SAMD5: variants seen among roughly 807,000 people sequenced by gnomAD.
The protein encoded by SAMD5 is sterile alpha motif domain containing 5, also known as sterile alpha motif domain-containing protein 5.
SAMD5 carries 13 observed loss-of-function variants against 11.3 expected under a neutral mutation model. The ratio of observed to expected loss-of-function variants is 1.15; its 90% confidence interval spans 0.75 to 1.83. The LOEUF (loss-of-function observed/expected upper bound fraction) is 1.83, where lower values mean the gene tolerates loss of function less well. Among genes scored for constraint, SAMD5 ranks in the 40% most tolerant of loss-of-function variants. The probability of loss-of-function intolerance (pLI) is 0.00; values close to 1 mark genes in which losing one functional copy is unlikely to be tolerated. For synonymous variants in SAMD5, 129 were observed against 111.3 expected (o/e 1.16, Z -1.00); for missense variants, 255 against 239.1 (o/e 1.07, Z -0.44).
the SAMD5 span, among the ~76,000 whole-genome samples, chr6:147,816,281 CAAAAA>C: frequency 7.2e-5 from 2 of 27,844 alleles, no homozygotes; most frequent in African/African-American, 1.6e-4. Flanking sequence ...ACTCCGTCTC[CAAAAA>C]AAAAAAAAAA....
chr6:147,939,131 A>G, the SAMD5 span, among the ~76,000 whole-genome samples: 1 of 152,196 alleles, frequency 6.6e-6, no homozygotes, highest in East Asian at 1.9e-4. Flanking sequence ...TAAAGGATAC[A>G]ACTCAGAAGC....
intron 1 of SAMD5, among the ~76,000 whole-genome samples, chr6:147,698,059 G>A (rs528585524): frequency 1.1e-3 from 171 of 152,246 alleles, no homozygotes; most frequent in Middle Eastern, 3.4e-3. Context: ...TAGATCCCCC[G>A]CACACGCAGT....
At chr6:147,592,800 C>T (rs1789474874) in intron 1 of SAMD5, among the ~76,000 whole-genome samples, 1 of 152,038 alleles carries the variant, frequency 6.6e-6, no homozygotes, top group South Asian at 2.1e-4. Flanking sequence ...GCCTGGGATC[C>T]GACATGGAGT....
At chr6:147,721,088 C>T (rs1237985832) in intron 1 of SAMD5, among the ~76,000 whole-genome samples, 2 of 134,694 alleles carry the variant, frequency 1.5e-5, no homozygotes, top group East Asian at 2.1e-4. Flanking sequence ...TTTCTTAATC[C>T]AGTCTATCAT....
At chr6:147,583,128 A>T (rs1283202721) in intron 1 of SAMD5, among the ~76,000 whole-genome samples, 1 of 152,268 alleles carries the variant, frequency 6.6e-6, no homozygotes, top group East Asian at 1.9e-4. Flanking sequence ...CTAGTTTTAC[A>T]CATAGACATT....
rs184691003 is a variant in SAMD5, at chr6:147,708,594, T to C, written c.163-28723T>C. On this transcript the variant is annotated intron_variant, in intron 1 of 1. Coordinates refer to the SAMD5 transcript ENST00000566741. ...AGAGAAGGGAACAGAAGTGGAAATA[T>C]TTCTAGAAATATATTTGAATCCTTA... 1.1e-3 allele frequency among the ~76,000 whole-genome samples: 166 copies of C among 152,162 alleles called. 1 individual carries two copies. The highest frequency in any genetic ancestry group is 2.6e-3 in the Admixed American group (40 of 15,276).
intron 1 of SAMD5, among the ~76,000 whole-genome samples, chr6:147,663,959 C>T (rs1317066437): frequency 1.4e-5 from 2 of 145,364 alleles, no homozygotes; most frequent in African/African-American, 2.5e-5. Context: ...TGTAACAGAA[C>T]GTCACATTTT....
chr6:147,905,004 T>G, the SAMD5 span, among the ~76,000 whole-genome samples: 2 of 151,774 alleles, frequency 1.3e-5, no homozygotes, highest in South Asian at 4.2e-4. Flanking sequence ...TTCTCCTGCC[T>G]CAGCCTCGTG....
At chr6:147,765,934 A>G in the SAMD5 span, among the ~76,000 whole-genome samples, 1 of 152,200 alleles carries the variant, frequency 6.6e-6, no homozygotes, top group Non-Finnish European at 1.5e-5. Context: ...AAAGCCTCAG[A>G]TTGACACCTA....
the SAMD5 span, among the ~76,000 whole-genome samples, chr6:147,773,753 G>A: frequency 6.6e-6 from 1 of 152,104 alleles, no homozygotes; most frequent in Non-Finnish European, 1.5e-5. Flanking sequence ...GGGAATAGAT[G>A]TCAACATATG....
At chr6:147,605,295 G>A (rs1025467943) in intron 1 of SAMD5, among the ~76,000 whole-genome samples, 3 of 152,070 alleles carry the variant, frequency 2.0e-5, no homozygotes, top group African/African-American at 4.8e-5. Flanking sequence ...ACATATTTTT[G>A]TAGAGATGGG....
chr6:147,688,230 A>G (rs1397408467), intron 1 of SAMD5, among the ~76,000 whole-genome samples: 1 of 152,030 alleles, frequency 6.6e-6, no homozygotes, highest in Non-Finnish European at 1.5e-5. Flanking sequence ...AATTTTATAT[A>G]TGATATCTAA....
intron 1 of SAMD5, chr6:147,729,745 G>A (rs1437294572): frequency 4.4e-6 from 2 of 456,732 alleles, no homozygotes; most frequent in Admixed American, 4.7e-5. Flanking sequence ...GAACATTTTA[G>A]GCAGTGGCAA....
At chr6:147,812,818 A>G in the SAMD5 span, among the ~76,000 whole-genome samples, 1 of 152,220 alleles carries the variant, frequency 6.6e-6, no homozygotes, top group South Asian at 2.1e-4. Flanking sequence ...TAGTTATGAT[A>G]GTATATGTTG....
intron 1 of SAMD5, among the ~76,000 whole-genome samples, chr6:147,677,375 C>T (rs1315435510): frequency 3.3e-5 from 5 of 151,976 alleles, no homozygotes; most frequent in Non-Finnish European, 5.9e-5. Flanking sequence ...AGAAACAGCC[C>T]AGAGAACTGG....
At chr6:147,847,819 C>T in the SAMD5 span, among the ~76,000 whole-genome samples, 1 of 152,128 alleles carries the variant, frequency 6.6e-6, no homozygotes, top group South Asian at 2.1e-4. Context: ...CACCACTGCA[C>T]TCCAGCCTGG....
chr6:147,911,384 G>T, the SAMD5 span, among the ~76,000 whole-genome samples: 1 of 152,146 alleles, frequency 6.6e-6, no homozygotes, highest in East Asian at 1.9e-4. Flanking sequence ...TAACACATCA[G>T]CTGACAAGTT....
At chr6:147,649,621 G>A (rs1187381522) in intron 1 of SAMD5, among the ~76,000 whole-genome samples, 5 of 151,984 alleles carry the variant, frequency 3.3e-5, no homozygotes, top group South Asian at 2.1e-4. Context: ...ACAAAACTCC[G>A]TTTCTACAAA....
the SAMD5 span, among the ~76,000 whole-genome samples, chr6:147,763,647 T>C: frequency 6.6e-6 from 1 of 151,902 alleles, no homozygotes; most frequent in Non-Finnish European, 1.5e-5. Context: ...GTGGCGCGAT[T>C]TTGGCTCACT....
Sources: gnomAD v4.1 joint callset for allele counts (sites outside exome capture counted in the v4.1 genomes callset) on GRCh38, gnomAD v4.1.1 for gene constraint, MANE v1.5 for transcripts, NCBI Gene and HGNC (gene_info 2026-07-23, HGNC 2026-07-21) for gene names.